The following STXBP6 variants were observed in gnomAD, a reference collection of about 807,000 sequenced individuals.
STXBP6 encodes syntaxin-binding protein 6.
In STXBP6, 21 loss-of-function variants were observed where a neutral mutation model predicts 26.9. The ratio of observed to expected loss-of-function variants is 0.78; its 90% CI spans 0.55 to 1.12. STXBP6 has a LOEUF of 1.12. Ranked by LOEUF, STXBP6 falls within the 50% of genes most tolerant of loss-of-function variation. STXBP6 has a pLI of 0.00. For synonymous variants in STXBP6, 97 were observed against 92.6 expected (o/e 1.05, Z -0.27); for missense variants, 232 against 257.9 (o/e 0.90, Z 0.69).
chr14:24,879,449 A>C (rs918554985), intron 2 of STXBP6, among the ~76,000 whole-genome samples: 2 of 152,194 alleles, frequency 1.3e-5, no homozygotes, highest in African/African-American at 4.8e-5. Context: ...CGAAAGATAA[A>C]AAAGTTTCTT....
intron 1 of STXBP6, among the ~76,000 whole-genome samples, chr14:25,036,004 G>A (rs1344111489): frequency 6.6e-6 from 1 of 151,988 alleles, no homozygotes; most frequent in South Asian, 2.1e-4. Flanking sequence ...GATCACCTGA[G>A]GTCAGGGGTT....
intron 1 of STXBP6, among the ~76,000 whole-genome samples, chr14:24,978,942 T>C (rs1351694417): frequency 1.3e-5 from 2 of 152,200 alleles, no homozygotes; most frequent in Non-Finnish European, 2.9e-5. Context: ...TTTCCAGTAG[T>C]GGAACTGGTA....
intron 2 of STXBP6, among the ~76,000 whole-genome samples, chr14:24,865,561 G>A (rs372656608): frequency 3.4e-4 from 51 of 152,198 alleles, no homozygotes; most frequent in African/African-American, 1.2e-3. Flanking sequence ...AACTATCTGA[G>A]GTTTAAAAAA....
chr14:24,823,152 C>T (rs1174175763), intron 4 of STXBP6, among the ~76,000 whole-genome samples: 1 of 152,140 alleles, frequency 6.6e-6, no homozygotes, highest in East Asian at 1.9e-4. Flanking sequence ...GCCTTCATAT[C>T]AGTTCCACTT....
chr14:24,946,410 C>T (rs986882704), intron 2 of STXBP6, among the ~76,000 whole-genome samples: 1 of 151,950 alleles, frequency 6.6e-6, no homozygotes, highest in African/African-American at 2.4e-5. Context: ...GCAATGGAGA[C>T]AAAACCAAAA....
chr14:24,907,269 T>C lies in STXBP6; in HGVS notation c.155-50112A>G, dbSNP rs951976405. 2.6e-5 allele frequency among the ~76,000 whole-genome samples: 4 copies of C among 152,236 alleles called. No homozygotes were observed. In the South Asian group the frequency reaches 6.2e-4, roughly 24 times the overall value. On this transcript the variant is annotated intron_variant, in intron 2 of 5. Coordinates refer to ENST00000323944, the MANE Select transcript of STXBP6 (RefSeq NM_001394410.1). ...TGTACACAGGCATCAATATAACACA[T>C]ACCCCAGAAATCTATATAGTCATTA...
chr14:24,939,897 G>A (rs1001633429), intron 2 of STXBP6, among the ~76,000 whole-genome samples: 3 of 152,110 alleles, frequency 2.0e-5, no homozygotes, highest in African/African-American at 4.8e-5. Context: ...GCCACATAGA[G>A]CTAGTGGCTG....
intron 2 of STXBP6, among the ~76,000 whole-genome samples, chr14:24,929,726 T>C (rs1392609158): frequency 6.6e-6 from 1 of 152,218 alleles, no homozygotes; most frequent in African/African-American, 2.4e-5. Context: ...AGTGAAATAA[T>C]GTTCTACGAA....
At chr14:24,993,159 T>C (rs779888704) in intron 1 of STXBP6, among the ~76,000 whole-genome samples, 1 of 152,192 alleles carries the variant, frequency 6.6e-6, no homozygotes, top group Non-Finnish European at 1.5e-5. Flanking sequence ...ACATCACATC[T>C]ATACCTTCAG....
intron 1 of STXBP6, among the ~76,000 whole-genome samples, chr14:24,981,808 T>C (rs1322217492): frequency 6.6e-6 from 1 of 152,152 alleles, no homozygotes; most frequent in Non-Finnish European, 1.5e-5. Flanking sequence ...TAAATACCCA[T>C]CAATCTTCAT....
At chr14:24,999,249 G>T (rs2074687050) in intron 1 of STXBP6, among the ~76,000 whole-genome samples, 1 of 152,040 alleles carries the variant, frequency 6.6e-6, no homozygotes, top group South Asian at 2.1e-4. Flanking sequence ...ATCTTATTCA[G>T]ACTGCAGAAA....
intron 2 of STXBP6, among the ~76,000 whole-genome samples, chr14:24,949,297 T>C (rs1233274703): frequency 6.6e-6 from 1 of 152,224 alleles, no homozygotes; most frequent in Non-Finnish European, 1.5e-5. Context: ...GAGTAATGAT[T>C]ATCTCTTCCC....
At chr14:25,000,860 C>T (rs1038366183) in intron 1 of STXBP6, among the ~76,000 whole-genome samples, 1 of 151,400 alleles carries the variant, frequency 6.6e-6, no homozygotes, top group Admixed American at 6.6e-5. Flanking sequence ...AGCATTAGAT[C>T]TTACCCTTTT....
chr14:24,913,581 A>C lies in STXBP6; in HGVS notation c.155-56424T>G, dbSNP rs77042685. ...GAAGAAAACATCTGCAATCTCTTTT[A>C]GAACCCCAGCTCAGATGTATGCTGA... is the stretch of plus-strand genomic sequence containing the variant. On this transcript the variant is annotated intron_variant, in intron 2 of 5. Transcript: ENST00000323944. Among the ~76,000 whole-genome samples the C allele has an allele frequency of 1.5e-3, 230 of 152,348 alleles. 3 individuals are homozygous for C. The East Asian group carries it at 0.039, about 26-fold the overall frequency.
chr14:25,008,327 G>T (rs2074951043), intron 1 of STXBP6, among the ~76,000 whole-genome samples: 1 of 152,086 alleles, frequency 6.6e-6, no homozygotes, highest in African/African-American at 2.4e-5. Context: ...ATCAGAGTGG[G>T]ACTCCAACTC....
chr14:24,868,529 A>C (rs2069805193), intron 2 of STXBP6, among the ~76,000 whole-genome samples: 2 of 152,196 alleles, frequency 1.3e-5, no homozygotes, highest in Non-Finnish European at 2.9e-5. Flanking sequence ...CTCAGCAGGA[A>C]AATGGATAAA....
At chr14:24,857,330 G>A (rs1470584715) in intron 2 of STXBP6, among the ~76,000 whole-genome samples, 173 bp from the exon 3 acceptor site, 1 of 152,054 alleles carries the variant, frequency 6.6e-6, no homozygotes, top group Non-Finnish European at 1.5e-5. Flanking sequence ...AGGGGTGAAC[G>A]TAAAGGAAAT....
intron 4 of STXBP6, among the ~76,000 whole-genome samples, chr14:24,831,738 T>C (rs1266348186): frequency 6.6e-6 from 1 of 152,186 alleles, no homozygotes; most frequent in African/African-American, 2.4e-5. Flanking sequence ...AAGTTTTACC[T>C]CAAATTCAAA....
chr14:24,823,612 A>G (rs529308865), intron 4 of STXBP6, among the ~76,000 whole-genome samples: 2 of 152,280 alleles, frequency 1.3e-5, no homozygotes, highest in Non-Finnish European at 2.9e-5. Context: ...CATAAATAAT[A>G]AATATATGCC....
Sources: allele counts gnomAD v4.1 joint callset (sites outside exome capture counted in the v4.1 genomes callset), GRCh38; gene constraint gnomAD v4.1.1; transcripts MANE v1.5; gene names NCBI Gene and HGNC (gene_info 2026-07-23, HGNC 2026-07-21).